Variants in ZFPM2 observed in about 807,000 individuals in gnomAD.
ZFPM2 encodes zinc finger protein ZFPM2.
A neutral mutation model predicts 98.6 loss-of-function variants in ZFPM2; 20 were observed. The observed-to-expected ratio is 0.20, with a 90% CI of 0.14 to 0.29. The LOEUF (loss-of-function observed/expected upper bound fraction) is 0.29. ZFPM2 is among the 10% of genes least tolerant of loss of function. ZFPM2 has a pLI of 1.00. For synonymous variants in ZFPM2, 518 were observed against 502.7 expected, an observed-to-expected ratio of 1.03 and a Z score of -0.41; for missense variants, 1,310 against 1,388.6, an observed-to-expected ratio of 0.94 and a Z score of 0.90.
At chr8:105,707,514 G>A (rs1299883986) in intron 5 of ZFPM2, among the ~76,000 whole-genome samples, 4 of 152,140 alleles carry the variant, frequency 2.6e-5, no homozygotes, top group Non-Finnish European at 5.9e-5. Flanking sequence ...TCACCTACAA[G>A]CTCTGTCCCT....
chr8:105,534,125 T>TCCTCCCTTCCTTCCTTTCTTCCTCCCTC (rs1814384536), intron 3 of ZFPM2, among the ~76,000 whole-genome samples: 1 of 17,608 alleles, frequency 5.7e-5, no homozygotes, highest in Admixed American at 6.1e-4. Flanking sequence ...CTCCCTTCCT[T>TCCTCCCTTCCTTCCTTTCTTCCTCCCTC]CCTCCCTTCC....
intron 5 of ZFPM2, among the ~76,000 whole-genome samples, chr8:105,647,334 G>A (rs1397630170): frequency 6.6e-6 from 1 of 151,602 alleles, no homozygotes; most frequent in Non-Finnish European, 1.5e-5. Flanking sequence ...CACCACTAAA[G>A]TGCAATCATT....
At chr8:105,623,187 A>G (rs957795615) in intron 4 of ZFPM2, among the ~76,000 whole-genome samples, 5 of 152,134 alleles carry the variant, frequency 3.3e-5, no homozygotes, top group Non-Finnish European at 7.3e-5. Flanking sequence ...CTGACTTTCA[A>G]TAACTTGACT....
At chr8:105,627,269 C>T (rs946919909) in intron 4 of ZFPM2, among the ~76,000 whole-genome samples, 1 of 152,076 alleles carries the variant, frequency 6.6e-6, no homozygotes, top group African/African-American at 2.4e-5. Flanking sequence ...TTTAATTATT[C>T]CTAAGAAATG....
intron 3 of ZFPM2, among the ~76,000 whole-genome samples, chr8:105,468,275 G>A (rs777760122): frequency 3.3e-5 from 5 of 151,960 alleles, no homozygotes; most frequent in Admixed American, 6.6e-5. Flanking sequence ...TGCTCTTAGA[G>A]TTCCTCCTTC....
At chr8:105,322,076 T>A (rs926712080) in intron 1 of ZFPM2, among the ~76,000 whole-genome samples, 2 of 152,098 alleles carry the variant, frequency 1.3e-5, no homozygotes, top group South Asian at 2.1e-4. Flanking sequence ...ATTATTGTAA[T>A]CCTGGTTTGA....
chr8:105,588,508 T>C (rs1288017076), intron 4 of ZFPM2, among the ~76,000 whole-genome samples: 1 of 152,152 alleles, frequency 6.6e-6, no homozygotes, highest in Non-Finnish European at 1.5e-5. Context: ...TTGAAAACAC[T>C]TCGTTACATA....
At chr8:105,321,881 C>T (rs1250481465) in intron 1 of ZFPM2, among the ~76,000 whole-genome samples, 4 of 152,242 alleles carry the variant, frequency 2.6e-5, no homozygotes, top group Admixed American at 2.6e-4. Flanking sequence ...CCGTTTCCAC[C>T]ACTTTGGATG....
At chr8:105,480,382 C>G (rs1426233514) in intron 3 of ZFPM2, among the ~76,000 whole-genome samples, 1 of 152,152 alleles carries the variant, frequency 6.6e-6, no homozygotes, top group Non-Finnish European at 1.5e-5. Context: ...GGTTATATTG[C>G]ATAACTGAGC....
At chr8:105,528,362 C>T (rs954781263) in intron 3 of ZFPM2, among the ~76,000 whole-genome samples, 33 of 151,892 alleles carry the variant, frequency 2.2e-4, no homozygotes, top group African/African-American at 8.0e-4. Context: ...TGGGAGACTG[C>T]CGTAAGGAAG....
Position 105,803,507 on chromosome 8 carries a change from G to A in ZFPM2, c.3425G>A (p.Cys1142Tyr). ...TTTATAACTCACAAGAAGTTTTATT[G>A]CTCATCACATGCAGCAGAACATGTC... ...SNFITHKKFY[C>Y]SSHAAEHVK Residue 1142 changes from cysteine to tyrosine, a missense_variant, in exon 8 of 8, where the codon TGC becomes TAC. Coordinates refer to ENST00000407775, the MANE Select transcript of ZFPM2 (RefSeq NM_012082.4). 6.2e-7 allele frequency: 1 copy of A among 1,611,222 alleles called. No individual in the cohort carries two copies. Among genetic ancestry groups the A allele is most frequent in the Non-Finnish European group, 8.5e-7 (1 of 1,178,598 alleles).
At chr8:105,466,271 C>T (rs1379296841) in intron 3 of ZFPM2, among the ~76,000 whole-genome samples, 1 of 151,936 alleles carries the variant, frequency 6.6e-6, no homozygotes, top group East Asian at 1.9e-4. Context: ...TAAAACATTT[C>T]AAAATCATAT....
At position 105,327,511 on chromosome 8, in the gene ZFPM2, A is replaced by C. The variant is rs151275986; in HGVS notation, c.40+8530A>C. Among the ~76,000 whole-genome samples the C allele has an allele frequency of 5.0e-3, 764 of 151,844 alleles. 6 individuals are homozygous for C. Among genetic ancestry groups the C allele is most frequent in the African/African-American group, 0.017 (707 of 41,506 alleles). The stretch of plus-strand genomic sequence containing the variant: ...TAAATTGAGGAATAGAAGATTAAAA[A>C]TAGTGAATTGACGAGTCTTCAAGTT... On this transcript the variant is annotated intron_variant, in intron 1 of 7. Transcript: ENST00000407775.
At chr8:105,522,443 T>G (rs1416866682) in intron 3 of ZFPM2, among the ~76,000 whole-genome samples, 2 of 152,144 alleles carry the variant, frequency 1.3e-5, no homozygotes, top group South Asian at 2.1e-4. Context: ...TCAGCAGAGT[T>G]TGTCTGTATA....
intron 5 of ZFPM2, among the ~76,000 whole-genome samples, chr8:105,720,870 A>G (rs1318190758): frequency 1.3e-5 from 2 of 151,930 alleles, no homozygotes; most frequent in Non-Finnish European, 2.9e-5. Flanking sequence ...GAGGAGATGC[A>G]TCCTAGAACA....
intron 3 of ZFPM2, among the ~76,000 whole-genome samples, chr8:105,538,453 T>C (rs1453100310): frequency 1.3e-5 from 2 of 152,182 alleles, no homozygotes; most frequent in African/African-American, 2.4e-5. Context: ...TGTTGAAATG[T>C]CGTTACTATC....
intron 1 of ZFPM2, among the ~76,000 whole-genome samples, chr8:105,404,448 A>T (rs1465850662): frequency 6.6e-6 from 1 of 152,112 alleles, no homozygotes; most frequent in Non-Finnish European, 1.5e-5. Context: ...GATCCTGGAT[A>T]TAAAAGATGT....
rs139597271 is a variant in ZFPM2 at position 105,516,044 on chromosome 8, G to T, written c.302-45319G>T. 2.0e-5 allele frequency among the ~76,000 whole-genome samples: 3 copies of T among 148,530 alleles called. No homozygotes were observed. The East Asian group carries it at 6.0e-4, about 30-fold the overall frequency. Reference sequence around the variant, plus strand: ...GGGTCCGAGCAATTCTCTTGCCTCAGCCTCCAGAGTACCTGGGATTGCAGG... The same window carrying T: ...GGGTCCGAGCAATTCTCTTGCCTCATCCTCCAGAGTACCTGGGATTGCAGG... On this transcript the variant is annotated intron_variant, in intron 3 of 7. Coordinates refer to ENST00000407775, the MANE Select transcript of ZFPM2 (RefSeq NM_012082.4).
chr8:105,713,713 A>G (rs1811455805), intron 5 of ZFPM2, among the ~76,000 whole-genome samples: 1 of 152,034 alleles, frequency 6.6e-6, no homozygotes, highest in Admixed American at 6.6e-5. Context: ...TATTGAATAG[A>G]TAGTCCTTTC....
Sources: gnomAD v4.1 joint callset for allele counts (sites outside exome capture counted in the v4.1 genomes callset) on GRCh38, gnomAD v4.1.1 for gene constraint, MANE v1.5 for transcripts, NCBI Gene and HGNC (gene_info 2026-07-23, HGNC 2026-07-21) for gene names.